RPRD2: variants seen among roughly 807,000 people sequenced by gnomAD.
RPRD2 encodes regulation of nuclear pre-mRNA domain containing 2.
Under a neutral mutation model 104.4 loss-of-function variants are expected in RPRD2, and 12 were observed. That is an observed-to-expected ratio of 0.11 (90% CI 0.07 to 0.19). RPRD2 has a LOEUF of 0.19. Among genes scored for constraint, RPRD2 ranks in the 10% least tolerant of loss-of-function variants. The probability of loss-of-function intolerance (pLI) is 1.00; values close to 1 mark genes in which losing one functional copy is unlikely to be tolerated. For missense variants in RPRD2, 1,543 were observed against 1,790.1 expected, an observed-to-expected ratio of 0.86 and a Z score of 2.49; for synonymous variants, 714 against 684.9, an observed-to-expected ratio of 1.04 and a Z score of -0.66.
At chr1:150,387,479 T>C (rs1553882047) in intron 1 of RPRD2, among the ~76,000 whole-genome samples, 1 of 150,888 alleles carries the variant, frequency 6.6e-6, no homozygotes, top group African/African-American at 2.4e-5. Context: ...GGTGAAACTG[T>C]ACTGTTTCTA....
intron 7 of RPRD2, among the ~76,000 whole-genome samples, chr1:150,448,764 C>T (rs1190203952): frequency 6.6e-6 from 1 of 152,166 alleles, no homozygotes; most frequent in African/African-American, 2.4e-5. Context: ...TCCTCCCTAC[C>T]TGAATTTTCA....
At chr1:150,460,711 A>AT (rs1279095550) in intron 9 of RPRD2, among the ~76,000 whole-genome samples, 56 of 138,292 alleles carry the variant, frequency 4.0e-4, no homozygotes, top group South Asian at 9.1e-4. Flanking sequence ...TCTGTTGTTG[A>AT]TTTTTTTTAA....
intron 7 of RPRD2, among the ~76,000 whole-genome samples, chr1:150,450,670 G>T (rs1319906144): frequency 2.0e-5 from 3 of 148,884 alleles, no homozygotes; most frequent in Non-Finnish European, 4.4e-5. Context: ...ACCCAGGCTA[G>T]AGTGCAGTGG....
At chr1:150,371,904 T>C (rs1553878434) in intron 1 of RPRD2, among the ~76,000 whole-genome samples, 1 of 152,216 alleles carries the variant, frequency 6.6e-6, no homozygotes, top group African/African-American at 2.4e-5. Flanking sequence ...TTTAAATTCT[T>C]GTGTTTTTTG....
intron 10 of RPRD2, among the ~76,000 whole-genome samples, chr1:150,464,974 T>C (rs1395099431): frequency 6.6e-6 from 1 of 152,064 alleles, no homozygotes; most frequent in Non-Finnish European, 1.5e-5. Flanking sequence ...GTTCAAGTGA[T>C]TCTTCTGCCT....
At chr1:150,405,615 T>C (rs1663410156) in intron 1 of RPRD2, among the ~76,000 whole-genome samples, 1 of 152,236 alleles carries the variant, frequency 6.6e-6, no homozygotes, top group Non-Finnish European at 1.5e-5. Context: ...ATATTTCTTC[T>C]GGTTCTTCAT....
Position 150,470,715 on chromosome 1 carries a change from C to T in RPRD2, c.1767C>T (p.Ser589=), listed in dbSNP as rs1222880925. 13 of 1,614,008 alleles carry T rather than the reference C, an allele frequency of 8.1e-6. No homozygotes were observed. The highest frequency in any genetic ancestry group is 9.3e-6 in the Non-Finnish European group (11 of 1,179,876). Residue 589 remains serine (S), a synonymous_variant, in exon 11 of 11, where the codon AGC becomes AGT. Transcript: ENST00000369068. The part of the protein sequence containing the change: ...PSSAQPFIPK[S]FNYSPNSSTS... ...GTGCCCAACCTTTTATTCCCAAAAG[C>T]TTCAACTATTCTCCTAACTCATCAA...
rs58054758 is a variant in RPRD2, at chr1:150,369,441, A to ATTTT, written c.205+4552_205+4555dup. ...GGAACCATGCCACCACACCTGGCTAATTTTTTTTTTTTTTTTTTTTTTTTT... is the reference window on the plus strand; with the variant it reads ...GGAACCATGCCACCACACCTGGCTAATTTTTTTTTTTTTTTTTTTTTTTTTTTTT... On this transcript the variant is annotated intron_variant, in intron 1 of 10. Transcript: ENST00000369068. 4.5e-3 allele frequency among the ~76,000 whole-genome samples: 261 copies of ATTTT among 57,514 alleles called. 25 individuals are homozygous for ATTTT. Among genetic ancestry groups the ATTTT allele is most frequent in the African/African-American group, 0.015 (218 of 14,850 alleles). The allele number at this position is 57,514 out of a possible 152,430, so 37.7% of individuals were successfully genotyped here. A position where few individuals can be genotyped will look rare whatever the true frequency, so the allele number is the denominator to read the frequency against.
At chr1:150,398,446 T>G (rs1351190382) in intron 1 of RPRD2, among the ~76,000 whole-genome samples, 1 of 152,114 alleles carries the variant, frequency 6.6e-6, no homozygotes, top group Non-Finnish European at 1.5e-5. Context: ...TCTGCCCACC[T>G]TGGCCTCCCA....
chr1:150,436,259 C>T (rs782046122), intron 2 of RPRD2, among the ~76,000 whole-genome samples: 7 of 152,116 alleles, frequency 4.6e-5, no homozygotes, highest in Non-Finnish European at 1.0e-4. Flanking sequence ...AACATTTATT[C>T]TGCCCATGGT....
At chr1:150,377,674 T>G (rs1416860233) in intron 1 of RPRD2, among the ~76,000 whole-genome samples, 2 of 151,814 alleles carry the variant, frequency 1.3e-5, no homozygotes, top group African/African-American at 4.8e-5. Flanking sequence ...TATAATAATA[T>G]GAGTTTTATA....
intron 7 of RPRD2, among the ~76,000 whole-genome samples, chr1:150,451,195 GT>G (rs1159782862): frequency 2.0e-5 from 3 of 152,082 alleles, no homozygotes; most frequent in African/African-American, 7.2e-5. Context: ...TCAGGTTGAG[GT>G]TATGCATCTT....
chr1:150,440,489 G>GT (rs1302800435), intron 2 of RPRD2, among the ~76,000 whole-genome samples: 1 of 152,138 alleles, frequency 6.6e-6, no homozygotes, highest in Non-Finnish European at 1.5e-5. Flanking sequence ...TTATGTAATA[G>GT]TTTTTTAGAA....
At chr1:150,467,701 T>G (rs899497031) in intron 10 of RPRD2, among the ~76,000 whole-genome samples, 5 of 152,124 alleles carry the variant, frequency 3.3e-5, no homozygotes, top group Non-Finnish European at 7.4e-5. Context: ...GAGGCAAAAT[T>G]TGAACAGAAC....
intron 1 of RPRD2, among the ~76,000 whole-genome samples, chr1:150,411,040 T>C (rs1238599746): frequency 6.6e-6 from 1 of 152,238 alleles, no homozygotes; most frequent in Non-Finnish European, 1.5e-5. Flanking sequence ...AAATTTTTTT[T>C]TGGAGAGATA....
chr1:150,418,855 C>CA (rs1171365741), intron 2 of RPRD2, among the ~76,000 whole-genome samples: 1 of 151,888 alleles, frequency 6.6e-6, no homozygotes, highest in Non-Finnish European at 1.5e-5. Flanking sequence ...CTAAAAAATA[C>CA]AAAAAAATTA....
intron 7 of RPRD2, among the ~76,000 whole-genome samples, chr1:150,448,189 A>G (rs1666923280): frequency 6.6e-6 from 1 of 151,882 alleles, no homozygotes; most frequent in African/African-American, 2.4e-5. Flanking sequence ...TTTTTTTGAG[A>G]TGGAGTCTCG....
chr1:150,415,647 C>T (rs968127370), intron 1 of RPRD2, among the ~76,000 whole-genome samples: 3 of 152,064 alleles, frequency 2.0e-5, no homozygotes, highest in Non-Finnish European at 4.4e-5. Flanking sequence ...CACCACTGCA[C>T]CCCAGCCTAG....
At chr1:150,443,910 C>G (rs1293974653) in intron 5 of RPRD2, among the ~76,000 whole-genome samples, 3 of 151,370 alleles carry the variant, frequency 2.0e-5, no homozygotes, top group African/African-American at 7.3e-5. Flanking sequence ...CCCAGCTACT[C>G]AGGAGGCTGA....
Sources: allele counts gnomAD v4.1 joint callset (sites outside exome capture counted in the v4.1 genomes callset), GRCh38; gene constraint gnomAD v4.1.1; transcripts MANE v1.5; gene names NCBI Gene and HGNC (gene_info 2026-07-23, HGNC 2026-07-21).